Variants in ADGRL2 observed in about 807,000 individuals in gnomAD.
ADGRL2 encodes adhesion G protein-coupled receptor L2, also known as calcium-independent alpha-latrotoxin receptor 2.
A neutral mutation model predicts 157.4 loss-of-function variants in ADGRL2; 44 were observed. The observed-to-expected ratio is 0.28, with a 90% CI of 0.22 to 0.36. ADGRL2 has a LOEUF of 0.36. ADGRL2 is among the 10% of genes least tolerant of loss of function. The pLI is 1.00. For missense variants in ADGRL2, 1,510 were observed against 1,768.9 expected, an observed-to-expected ratio of 0.85 and a Z score of 2.63; for synonymous variants, 585 against 624.7, an observed-to-expected ratio of 0.94 and a Z score of 0.95.
chr1:81,504,973 C>T lies in ADGRL2; in HGVS notation c.-248+59884C>T, dbSNP rs540522226. 2,261 of 341,250 alleles carry T rather than the reference C, an allele frequency of 6.6e-3. 37 individuals carry two copies. The highest frequency in any genetic ancestry group is 0.044 in the African/African-American group (2,083 of 47,752). 21.1% of individuals were successfully genotyped at this position (341,250 alleles called of 1,614,324 possible). A position where few individuals can be genotyped will look rare whatever the true frequency, so the allele number is the denominator to read the frequency against. On this transcript the variant is annotated intron_variant, in intron 2 of 24. Transcript: ENST00000370721. Reference sequence around the variant, plus strand: ...TTGCGGCTCACCTCAGTCGAGGAAGCCCTGGAATGTTCAGCAGAACACCAC... The same window carrying T: ...TTGCGGCTCACCTCAGTCGAGGAAGTCCTGGAATGTTCAGCAGAACACCAC...
chr1:81,916,482 G>GT (rs944159833), intron 3 of ADGRL2, among the ~76,000 whole-genome samples: 35 of 151,632 alleles, frequency 2.3e-4, no homozygotes, highest in South Asian at 8.4e-4. Flanking sequence ...ATTTTCTTCT[G>GT]TTTTTTTTCT....
At chr1:81,435,764 A>T (rs956976658) in intron 1 of ADGRL2, among the ~76,000 whole-genome samples, 2 of 152,160 alleles carry the variant, frequency 1.3e-5, no homozygotes, top group African/African-American at 4.8e-5. Flanking sequence ...GGAACCTGGG[A>T]AAGATGGAAG....
chr1:81,344,067 GA>G (rs973939797), intron 1 of ADGRL2, among the ~76,000 whole-genome samples: 11 of 151,658 alleles, frequency 7.3e-5, no homozygotes, highest in South Asian at 2.1e-4. Context: ...ATATTACAAA[GA>G]AAAAAAAATT....
intron 1 of ADGRL2, among the ~76,000 whole-genome samples, chr1:81,710,436 T>C (rs1453524097): frequency 6.6e-6 from 1 of 151,746 alleles, no homozygotes; most frequent in Non-Finnish European, 1.5e-5. Context: ...CTGGCCAACA[T>C]GGTGAAACCT....
chr1:81,404,032 G>A (rs12140946), intron 1 of ADGRL2, among the ~76,000 whole-genome samples: 16,734 of 152,058 alleles, frequency 0.11, 1,200 homozygotes, highest in Admixed American at 0.17. Context: ...TCTTGACCTC[G>A]TAATCCGTCC....
intron 1 of ADGRL2, among the ~76,000 whole-genome samples, chr1:81,330,479 A>G (rs142363579): frequency 2.0e-5 from 3 of 152,132 alleles, no homozygotes; most frequent in African/African-American, 7.2e-5. Context: ...TCTAACTACA[A>G]TCCAAAAATA....
At chr1:81,633,097 C>G (rs1185364001) in intron 3 of ADGRL2, among the ~76,000 whole-genome samples, 1 of 152,190 alleles carries the variant, frequency 6.6e-6, no homozygotes, top group African/African-American at 2.4e-5. Flanking sequence ...GGTTAGATAA[C>G]TGTTCTTCAA....
At chr1:81,657,132 C>A (rs1296234938) in intron 3 of ADGRL2, among the ~76,000 whole-genome samples, 1 of 152,046 alleles carries the variant, frequency 6.6e-6, no homozygotes, top group African/African-American at 2.4e-5. Flanking sequence ...GTGCTATGGT[C>A]TAAATATTTG....
At chr1:81,570,233 T>TC (rs2080656043) in intron 2 of ADGRL2, among the ~76,000 whole-genome samples, 1 of 152,196 alleles carries the variant, frequency 6.6e-6, no homozygotes, top group African/African-American at 2.4e-5. Flanking sequence ...CTGGCTATGT[T>TC]CCCAGCACAA....
At chr1:81,627,130 G>A (rs1281510496) in intron 3 of ADGRL2, among the ~76,000 whole-genome samples, 2 of 151,896 alleles carry the variant, frequency 1.3e-5, no homozygotes, top group African/African-American at 4.8e-5. Context: ...TTCTAGAAAT[G>A]GATAATGGAT....
chr1:81,491,148 A>G (rs2078623647), intron 2 of ADGRL2, among the ~76,000 whole-genome samples: 1 of 150,856 alleles, frequency 6.6e-6, no homozygotes, highest in Admixed American at 6.6e-5. Context: ...AACTTCTGCT[A>G]CATGAAACGT....
chr1:81,369,559 A>G (rs989707650), intron 1 of ADGRL2, among the ~76,000 whole-genome samples: 5 of 152,172 alleles, frequency 3.3e-5, no homozygotes, highest in African/African-American at 1.2e-4. Flanking sequence ...TATGGGGTCT[A>G]TTGTTCTGCT....
At position 81,986,893 on chromosome 1, in the gene ADGRL2, TA is replaced by T. The variant is rs779516813; in HGVS notation, c.3509-7del. ...CTGTTTTTTTGTTGTTTTTTTTTTT[TA>T]CTTTAGGAATGACTGGCAATTACCT... On this transcript the variant is annotated splice_polypyrimidine_tract_variant and splice_region_variant and intron_variant, in intron 21 of 23. Transcript: ENST00000686636. 2 of 1,592,946 alleles carry T rather than the reference TA, an allele frequency of 1.3e-6. No homozygotes were observed. Among genetic ancestry groups the T allele is most frequent in the Admixed American group, 1.8e-5 (1 of 54,972 alleles).
At chr1:81,759,256 C>G (rs1254493216) in intron 1 of ADGRL2, among the ~76,000 whole-genome samples, 3 of 152,060 alleles carry the variant, frequency 2.0e-5, no homozygotes, top group Non-Finnish European at 4.4e-5. Context: ...TTACTAGACA[C>G]TACTAAGTGG....
chr1:81,718,601 G>A (rs114582887), intron 1 of ADGRL2, among the ~76,000 whole-genome samples: 1 of 152,080 alleles, frequency 6.6e-6, no homozygotes, highest in South Asian at 2.1e-4. Context: ...AAAGTGTTTT[G>A]TATCCTTTTC....
chr1:81,611,818 G>A (rs1051542305), intron 3 of ADGRL2, among the ~76,000 whole-genome samples: 1 of 152,082 alleles, frequency 6.6e-6, no homozygotes, highest in Non-Finnish European at 1.5e-5. Context: ...CCCACGTGTT[G>A]AGGAAGGGAC....
rs114586679 is a variant in ADGRL2, at chr1:81,723,357, G to T, written c.-143+23549G>T. On this transcript the variant is annotated intron_variant, in intron 1 of 20. Transcript: ENST00000359929. ...ATGGTGGTTTGCCATTAGGGTACTC[G>T]TTCAGATAATGTTTTCCTACTAGGA... 2.0e-5 allele frequency among the ~76,000 whole-genome samples: 3 copies of T among 152,004 alleles called. No individual in the cohort carries two copies. In the South Asian group the frequency reaches 6.2e-4, roughly 32 times the overall value.
intron 3 of ADGRL2, among the ~76,000 whole-genome samples, chr1:81,632,845 A>G (rs2082040225): frequency 6.6e-6 from 1 of 151,984 alleles, no homozygotes; most frequent in Admixed American, 6.6e-5. Flanking sequence ...CGGATTAGGG[A>G]CAGCCAGATC....
chr1:81,700,179 A>G lies in ADGRL2; in HGVS notation c.-143+371A>G, dbSNP rs140970188. On this transcript the variant is annotated intron_variant, in intron 1 of 20. Coordinates refer to the ADGRL2 transcript ENST00000359929. ...TTAAATTTATGAAAAGAGAATCATA[A>G]CGATATCTTAATTGCTCTGAAGATG... 7.6e-3 allele frequency among the ~76,000 whole-genome samples: 1,160 copies of G among 152,348 alleles called. 10 individuals carry two copies. The highest frequency in any genetic ancestry group is 0.013 in the Non-Finnish European group (899 of 68,038).
Sources: gnomAD v4.1 joint callset for allele counts (sites outside exome capture counted in the v4.1 genomes callset) on GRCh38, gnomAD v4.1.1 for gene constraint, MANE v1.5 for transcripts, NCBI Gene and HGNC (gene_info 2026-07-23, HGNC 2026-07-21) for gene names.